ELP4: variants seen among roughly 807,000 people sequenced by gnomAD.
ELP4 encodes elongator complex protein 4.
Under a neutral mutation model 48.9 loss-of-function variants are expected in ELP4, and 51 were observed. That is an observed-to-expected ratio of 1.04 (90% CI 0.83 to 1.32). ELP4 has a LOEUF of 1.32. Among genes scored for constraint, ELP4 ranks in the 40% most tolerant of loss-of-function variants. The pLI, the probability that ELP4 is intolerant of heterozygous loss-of-function variation, is 0.00. For missense variants in ELP4, 519 were observed against 514.6 expected, an observed-to-expected ratio of 1.01 and a Z score of -0.08; for synonymous variants, 210 against 189.2, an observed-to-expected ratio of 1.11 and a Z score of -0.90.
intron 9 of ELP4, among the ~76,000 whole-genome samples, chr11:31,751,296 C>T (rs1400726417): frequency 6.6e-6 from 1 of 152,234 alleles, no homozygotes; most frequent in Non-Finnish European, 1.5e-5. Context: ...CAAGCCTCTA[C>T]ATATGTCCAG....
rs1176252549 is a variant in ELP4, at chr11:31,557,104, A to C, written c.381+17321A>C. 2.0e-5 allele frequency among the ~76,000 whole-genome samples: 3 copies of C among 151,938 alleles called. No individual in the cohort carries two copies. In the East Asian group the frequency reaches 5.8e-4, roughly 29 times the overall value. On this transcript the variant is annotated intron_variant, in intron 3 of 9. Coordinates refer to ENST00000640961, the MANE Select transcript of ELP4 (RefSeq NM_019040.5). ...ATCATATTTTATGAATTGATGCAGC[A>C]ACAGAACATTTAGTAATAAAGCAAT... is the stretch of plus-strand genomic sequence containing the variant.
chr11:31,511,129 T>C (rs1369564089), intron 1 of ELP4: 2 of 152,216 alleles, frequency 1.3e-5, no homozygotes, highest in African/African-American at 4.8e-5. Flanking sequence ...TTCCGGTTAT[T>C]TCTAGATAAG....
chr11:31,571,078 G>A (rs917637215), intron 3 of ELP4, among the ~76,000 whole-genome samples: 6 of 152,082 alleles, frequency 3.9e-5, no homozygotes, highest in African/African-American at 9.7e-5. Flanking sequence ...GATTTCAGGC[G>A]TAAGCCACCG....
At chr11:31,580,120 G>A (rs1957363195) in intron 3 of ELP4, among the ~76,000 whole-genome samples, 1 of 152,046 alleles carries the variant, frequency 6.6e-6, no homozygotes, top group African/African-American at 2.4e-5. Flanking sequence ...TTCCTGTAGT[G>A]TTACAACTCC....
chr11:31,617,046 A>G (rs1944500946), intron 5 of ELP4, among the ~76,000 whole-genome samples: 1 of 152,082 alleles, frequency 6.6e-6, no homozygotes, highest in African/African-American at 2.4e-5. Flanking sequence ...GTATGATCCA[A>G]CAATCCCACT....
At chr11:31,527,863 C>CAT (rs993703537) in intron 2 of ELP4, among the ~76,000 whole-genome samples, 7 of 152,110 alleles carry the variant, frequency 4.6e-5, no homozygotes, top group African/African-American at 1.7e-4. Flanking sequence ...AGGCCTTTAA[C>CAT]AATCTGCCAC....
intron 9 of ELP4, among the ~76,000 whole-genome samples, chr11:31,723,287 C>T (rs1947006704): frequency 6.6e-6 from 1 of 152,086 alleles, no homozygotes; most frequent in Non-Finnish European, 1.5e-5. Flanking sequence ...TATGGACTAC[C>T]CATCCTAGAG....
At chr11:31,638,090 C>T (rs1429614121) in intron 7 of ELP4, among the ~76,000 whole-genome samples, 1 of 151,722 alleles carries the variant, frequency 6.6e-6, no homozygotes, top group Non-Finnish European at 1.5e-5. Context: ...ATACCATTCT[C>T]ACAGCATTTT....
chr11:31,682,167 AAG>A (rs751140644), intron 9 of ELP4: 5 of 1,025,908 alleles, frequency 4.9e-6, no homozygotes, highest in African/African-American at 1.7e-5. Context: ...TGACAAATCT[AAG>A]AGAGATTTAA....
At chr11:31,738,730 G>C (rs1436614542) in intron 9 of ELP4, among the ~76,000 whole-genome samples, 1 of 151,532 alleles carries the variant, frequency 6.6e-6, no homozygotes, top group Non-Finnish European at 1.5e-5. Flanking sequence ...AACAGAGTGA[G>C]ACCTTGTCTC....
chr11:31,628,629 T>C (rs1386466444), intron 6 of ELP4, among the ~76,000 whole-genome samples: 1 of 152,108 alleles, frequency 6.6e-6, no homozygotes, highest in African/African-American at 2.4e-5. Context: ...TTTGGCTTTC[T>C]GAACCAGAGA....
chr11:31,661,197 A>T (rs760308386), intron 9 of ELP4, among the ~76,000 whole-genome samples: 1 of 152,026 alleles, frequency 6.6e-6, no homozygotes, highest in Non-Finnish European at 1.5e-5. Flanking sequence ...ATTTCTAGTC[A>T]ATGTCAAACA....
chr11:31,740,915 C>T (rs541773386), intron 9 of ELP4, among the ~76,000 whole-genome samples: 68 of 152,294 alleles, frequency 4.5e-4, no homozygotes, highest in East Asian at 1.7e-3. Context: ...TGCAGCGCAC[C>T]GTGCGTGAGC....
At chr11:31,742,847 A>C (rs1947487964) in intron 9 of ELP4, among the ~76,000 whole-genome samples, 1 of 152,172 alleles carries the variant, frequency 6.6e-6, no homozygotes, top group African/African-American at 2.4e-5. Context: ...ATCAAGTATC[A>C]AGCAAAATAA....
chr11:31,776,513 T>C (rs577924272), intron 9 of ELP4, among the ~76,000 whole-genome samples: 1 of 152,334 alleles, frequency 6.6e-6, no homozygotes, highest in African/African-American at 2.4e-5. Flanking sequence ...AAAAGGAGAA[T>C]AGATTTTGGG....
At chr11:31,696,140 C>T (rs976069774) in intron 9 of ELP4, among the ~76,000 whole-genome samples, 6 of 151,386 alleles carry the variant, frequency 4.0e-5, no homozygotes, top group Admixed American at 6.6e-5. Flanking sequence ...ATTGATTTTT[C>T]GAAGGGTTTT....
Position 31,594,824 on chromosome 11 carries a change from G to A in ELP4, c.436G>A (p.Val146Ile). ...ATGTAAAAAGGAATTTGATGAAGATGTATACAATCATAAAACACCAGAATC... is the reference window on the plus strand; with the variant it reads ...ATGTAAAAAGGAATTTGATGAAGATATATACAATCATAAAACACCAGAATC... ...DKCKKEFDED[V>I]YNHKTPESNI... The change falls in exon 4 of 10, where the codon GTA becomes ATA. Residue 146 changes from valine (V) to isoleucine (I), a missense_variant. Val to Ile is a conservative substitution (Grantham distance 29, BLOSUM62 3). Coordinates refer to ENST00000640961, the MANE Select transcript of ELP4 (RefSeq NM_019040.5). The A allele has an allele frequency of 6.5e-7, 1 of 1,550,366 alleles. No individual in the cohort carries two copies. The highest frequency in any genetic ancestry group is 8.7e-7 in the Non-Finnish European group (1 of 1,154,374).
chr11:31,547,233 T>C (rs931862814), intron 3 of ELP4, among the ~76,000 whole-genome samples: 79 of 152,056 alleles, frequency 5.2e-4, no homozygotes, highest in South Asian at 1.2e-3. Context: ...ATTGATAGAC[T>C]GCTAGCAAGA....
At chr11:31,697,306 G>A (rs1287463955) in intron 9 of ELP4, among the ~76,000 whole-genome samples, 1 of 152,048 alleles carries the variant, frequency 6.6e-6, no homozygotes, top group Admixed American at 6.6e-5. Flanking sequence ...AATAGCTCTA[G>A]TACCTAGCTT....
Sources: allele counts gnomAD v4.1 joint callset (sites outside exome capture counted in the v4.1 genomes callset), GRCh38; gene constraint gnomAD v4.1.1; transcripts MANE v1.5; gene names NCBI Gene and HGNC (gene_info 2026-07-23, HGNC 2026-07-21).